Variants in BACC1 observed in about 807,000 individuals in gnomAD.
BACC1 encodes the protein BPTF-associated chromatin complex component 1.
the BACC1 span, chr17:7,017,470 C>T: frequency 4.0e-6 from 3 of 755,738 alleles, no homozygotes; most frequent in Non-Finnish European, 7.2e-6. Context: ...CCCCTTTGAC[C>T]TTCATCTGAT....
chr17:7,016,402 T>G, the BACC1 span: 1 of 1,413,570 alleles, frequency 7.1e-7, no homozygotes, highest in East Asian at 2.3e-5. Flanking sequence ...TGGATTCTTA[T>G]GAAGGGACTC....
At chr17:7,015,037 C>T in the BACC1 span, 3 of 1,477,940 alleles carry the variant, frequency 2.0e-6, no homozygotes, top group East Asian at 2.8e-5. Context: ...GGCGCCGGCC[C>T]CCCGTGACGC....
chr17:7,017,035 A>G, the BACC1 span: 1 of 1,596,022 alleles, frequency 6.3e-7, no homozygotes, highest in Admixed American at 1.7e-5. Context: ...TCCTCCTCCC[A>G]CACAGCTGAC....
At chr17:7,017,007 C>G in the BACC1 span, 2 of 1,612,168 alleles carry the variant, frequency 1.2e-6, no homozygotes, top group Non-Finnish European at 1.7e-6. Context: ...AACTCAACTT[C>G]GACCAGGGTA....
chr17:7,016,723 C>T, the BACC1 span: 2 of 1,588,084 alleles, frequency 1.3e-6, no homozygotes, highest in Non-Finnish European at 1.7e-6. Context: ...GGTTAAAGGT[C>T]CCATCTGAGG....
chr17:7,015,006 C>T, the BACC1 span: 17 of 1,424,668 alleles, frequency 1.2e-5, no homozygotes, highest in Admixed American at 1.3e-4. Context: ...GCTAGGGGCT[C>T]CGGGCGGGAC....
the BACC1 span, chr17:7,017,230 C>T: frequency 6.2e-7 from 1 of 1,614,146 alleles, no homozygotes; most frequent in Non-Finnish European, 8.5e-7. Context: ...CTCGCTCCAT[C>T]TCGGCCCATT....
chr17:7,015,373 C>T, the BACC1 span: 2 of 1,377,958 alleles, frequency 1.5e-6, no homozygotes, highest in African/African-American at 3.0e-5. Flanking sequence ...ACAGTTCTCC[C>T]TGCTGCGAAC....
At chr17:7,015,634 G>A in the BACC1 span, 17 of 1,316,802 alleles carry the variant, frequency 1.3e-5, no homozygotes, top group African/African-American at 2.4e-4. Context: ...CTCCCCTTAC[G>A]GAGGACCTCT....
chr17:7,015,308 G>C, the BACC1 span: 1 of 1,381,230 alleles, frequency 7.2e-7, no homozygotes, highest in Non-Finnish European at 9.3e-7. Context: ...CGTTGGGTGA[G>C]GGAATGAATG....
the BACC1 span, chr17:7,016,180 G>C: frequency 1.9e-6 from 1 of 518,026 alleles, no homozygotes; most frequent in South Asian, 2.5e-5. Flanking sequence ...AGTGTTTCCA[G>C]GGATATGGTG....
At chr17:7,017,180 T>C in the BACC1 span, 1 of 1,598,178 alleles carries the variant, frequency 6.3e-7, no homozygotes, top group Non-Finnish European at 8.6e-7. Flanking sequence ...TAGCAGGGTG[T>C]TTCAGGGAGG....
chr17:7,015,544 G>T, the BACC1 span: 4 of 1,418,516 alleles, frequency 2.8e-6, no homozygotes, highest in Non-Finnish European at 3.7e-6. Flanking sequence ...TGGTGGAAAG[G>T]GGTGTCTAAG....
the BACC1 span, chr17:7,016,007 C>A: frequency 1.4e-6 from 1 of 692,270 alleles, no homozygotes; most frequent in East Asian, 2.8e-5. Flanking sequence ...TTAGAATCCC[C>A]TTGAGGACTG....
At chr17:7,015,613 G>C in the BACC1 span, 2 of 1,349,546 alleles carry the variant, frequency 1.5e-6, no homozygotes, top group African/African-American at 2.9e-5. Flanking sequence ...AGGGCCTCAA[G>C]AGCTTTCCGC....
chr17:7,016,250 A>G, the BACC1 span: 8 of 547,320 alleles, frequency 1.5e-5, no homozygotes, highest in East Asian at 2.6e-4. Flanking sequence ...GCTCTACCTG[A>G]TGTCTCTCCC....
the BACC1 span, chr17:7,015,190 G>A: frequency 9.7e-6 from 15 of 1,538,736 alleles, no homozygotes; most frequent in African/African-American, 1.4e-5. Flanking sequence ...TGGACGCTGA[G>A]AGCGGGCGCT....
the BACC1 span, chr17:7,017,215 G>A: frequency 2.2e-5 from 35 of 1,614,010 alleles, no homozygotes; most frequent in East Asian, 7.8e-4. Flanking sequence ...GAAGCACACT[G>A]GGGGCTCGCT....
chr17:7,015,074 T>A, the BACC1 span: 1 of 1,559,542 alleles, frequency 6.4e-7, no homozygotes, highest in Non-Finnish European at 8.6e-7. Flanking sequence ...CGGAGAGATC[T>A]TCTCGGCGGC....
Sources: allele counts gnomAD v4.1 joint callset, GRCh38; gene constraint gnomAD v4.1.1; transcripts MANE v1.5; gene names NCBI Gene and HGNC (gene_info 2026-07-23, HGNC 2026-07-21).